Variants in NR3C2 observed in about 807,000 individuals in gnomAD.
NR3C2 encodes the protein nuclear receptor subfamily 3 group C member 2.
A neutral mutation model predicts 86.4 loss-of-function variants in NR3C2; 15 were observed. That is an observed-to-expected ratio of 0.17 (90% CI 0.12 to 0.27). The LOEUF (loss-of-function observed/expected upper bound fraction) is 0.27. Among genes scored for constraint, NR3C2 ranks in the 10% least tolerant of loss-of-function variants. The pLI is 1.00. For synonymous variants in NR3C2, 458 were observed against 450.5 expected (o/e 1.02, Z -0.21); for missense variants, 960 against 1,195.6 (o/e 0.80, Z 2.91).
At chr4:148,114,429 A>G (rs1560928781) in intron 7 of NR3C2, among the ~76,000 whole-genome samples, 168 bp from the exon 8 acceptor site, 1 of 152,240 alleles carries the variant, frequency 6.6e-6, no homozygotes, top group Non-Finnish European at 1.5e-5. Flanking sequence ...ACACATACAT[A>G]CACAAAGAAC....
intron 3 of NR3C2, among the ~76,000 whole-genome samples, chr4:148,241,697 G>A (rs1169342626): frequency 6.6e-6 from 1 of 152,050 alleles, no homozygotes; most frequent in Non-Finnish European, 1.5e-5. Flanking sequence ...TTTGCAAATT[G>A]TCTGTCTTCC....
Position 148,152,625 on chromosome 4 carries a change from A to G in NR3C2, c.2366-12T>C, listed in dbSNP as rs1344737302. 6.2e-7 allele frequency: 1 copy of G among 1,613,304 alleles called. No homozygotes were observed. The highest frequency in any genetic ancestry group is 8.5e-7 in the Non-Finnish European group (1 of 1,179,402). ...CAAGTTTTTAAATCCTGAAGAACAAAACAATTAATCACAGAAATACACTTA... is the reference window on the plus strand; with the variant it reads ...CAAGTTTTTAAATCCTGAAGAACAAGACAATTAATCACAGAAATACACTTA... On this transcript the variant is annotated splice_polypyrimidine_tract_variant and intron_variant, in intron 5 of 8. Transcript: ENST00000358102.
chr4:148,352,146 A>T (rs996730118), intron 2 of NR3C2, among the ~76,000 whole-genome samples: 2 of 152,180 alleles, frequency 1.3e-5, no homozygotes, highest in African/African-American at 4.8e-5. Context: ...TTGCGACATA[A>T]GTCCTGGGAG....
At chr4:148,232,150 A>G (rs1278614621) in intron 3 of NR3C2, among the ~76,000 whole-genome samples, 1 of 152,164 alleles carries the variant, frequency 6.6e-6, no homozygotes, top group Non-Finnish European at 1.5e-5. Flanking sequence ...TATGTTTTGG[A>G]TTGTATCATA....
chr4:148,183,626 C>T (rs1367407107), intron 4 of NR3C2, among the ~76,000 whole-genome samples: 2 of 152,170 alleles, frequency 1.3e-5, no homozygotes, highest in African/African-American at 4.8e-5. Context: ...AAAATGGACA[C>T]ATGAAGAGTA....
intron 8 of NR3C2, among the ~76,000 whole-genome samples, chr4:148,108,891 G>A (rs568425983): frequency 1.4e-4 from 21 of 152,294 alleles, no homozygotes; most frequent in Admixed American, 1.2e-3. Context: ...ATTCCAGAAC[G>A]TGCCAGGGAA....
At chr4:148,392,261 A>C (rs1293170266) in intron 2 of NR3C2, among the ~76,000 whole-genome samples, 3 of 152,240 alleles carry the variant, frequency 2.0e-5, no homozygotes, top group Non-Finnish European at 2.9e-5. Flanking sequence ...ACCATTTAAC[A>C]ATCATTTCAC....
At chr4:148,411,936 A>T (rs759115175) in intron 2 of NR3C2, among the ~76,000 whole-genome samples, 28 of 152,350 alleles carry the variant, frequency 1.8e-4, no homozygotes, top group Admixed American at 3.3e-4. Flanking sequence ...TATAAAACTT[A>T]ACGCTGCACA....
At chr4:148,437,797 C>G (rs912033607) in intron 1 of NR3C2, among the ~76,000 whole-genome samples, 2 of 152,158 alleles carry the variant, frequency 1.3e-5, no homozygotes, top group Non-Finnish European at 2.9e-5. Context: ...TGGCCTTAGA[C>G]CAGTCAGTGA....
intron 2 of NR3C2, among the ~76,000 whole-genome samples, chr4:148,398,807 T>C (rs1747989864): frequency 2.6e-5 from 4 of 152,170 alleles, no homozygotes; most frequent in Admixed American, 2.6e-4. Context: ...CCAATTGTAA[T>C]GCACTAAAAA....
In NR3C2 at chr4:148,237,823, T is replaced by C. The variant is rs534302827; in HGVS notation, c.1897+22155A>G. Among the ~76,000 whole-genome samples the C allele has an allele frequency of 1.1e-3, 160 of 152,264 alleles. 2 individuals are homozygous for C. In the South Asian group the frequency reaches 0.032, roughly 30 times the overall value. ...ACGAGAAATATATATGCTAAAACCA[T>C]TTCTGAATGAACTTCCAAAACTATT... On this transcript the variant is annotated intron_variant, in intron 3 of 8. Transcript: ENST00000358102.
chr4:148,256,137 G>A (rs1282537739), intron 3 of NR3C2, among the ~76,000 whole-genome samples: 1 of 152,168 alleles, frequency 6.6e-6, no homozygotes, highest in African/African-American at 2.4e-5. Flanking sequence ...TGTTACAGGA[G>A]TAAATCTCAA....
At chr4:148,334,155 A>T (rs549452688) in intron 2 of NR3C2, among the ~76,000 whole-genome samples, 16 of 152,338 alleles carry the variant, frequency 1.1e-4, no homozygotes, top group Non-Finnish European at 1.5e-4. Flanking sequence ...GAATACTAGG[A>T]ACATTTATGG....
At chr4:148,305,765 A>C (rs562556868) in intron 2 of NR3C2, among the ~76,000 whole-genome samples, 1 of 152,338 alleles carries the variant, frequency 6.6e-6, no homozygotes, top group South Asian at 2.1e-4. Context: ...AATTGACAAC[A>C]CAGAAGTGAA....
intron 3 of NR3C2, among the ~76,000 whole-genome samples, chr4:148,235,030 T>G (rs934614061): frequency 1.3e-5 from 2 of 152,098 alleles, no homozygotes; most frequent in African/African-American, 2.4e-5. Context: ...AAAAGAGCTT[T>G]GGAATGGTCA....
At chr4:148,104,344 T>TTTGGTTTGG (rs1731692292) in intron 8 of NR3C2, among the ~76,000 whole-genome samples, 4 of 128,328 alleles carry the variant, frequency 3.1e-5, no homozygotes, top group African/African-American at 1.6e-4. Context: ...TTGGTTTGGT[T>TTTGGTTTGG]TTTTTTTTTT....
At chr4:148,275,631 T>C (rs1432263841) in intron 2 of NR3C2, among the ~76,000 whole-genome samples, 1 of 152,192 alleles carries the variant, frequency 6.6e-6, no homozygotes, top group African/African-American at 2.4e-5. Flanking sequence ...GGTTTCACCA[T>C]GTTGGTCAGT....
At chr4:148,337,150 T>C (rs1744534250) in intron 2 of NR3C2, among the ~76,000 whole-genome samples, 1 of 152,172 alleles carries the variant, frequency 6.6e-6, no homozygotes, top group South Asian at 2.1e-4. Context: ...CAAAAATATA[T>C]GGAAATATGA....
chr4:148,365,702 C>T (rs72951988), intron 2 of NR3C2, among the ~76,000 whole-genome samples: 4 of 152,030 alleles, frequency 2.6e-5, no homozygotes, highest in African/African-American at 9.7e-5. Flanking sequence ...ATCTCTACAA[C>T]CATGTGATAT....
Sources: allele counts gnomAD v4.1 joint callset (sites outside exome capture counted in the v4.1 genomes callset), GRCh38; gene constraint gnomAD v4.1.1; transcripts MANE v1.5; gene names NCBI Gene and HGNC (gene_info 2026-07-23, HGNC 2026-07-21).